The following PTPRD variants were observed in gnomAD, a reference collection of about 807,000 sequenced individuals.
PTPRD encodes the protein protein tyrosine phosphatase receptor type D.
In PTPRD, 34 loss-of-function variants were observed where a neutral mutation model predicts 214.5. The ratio of observed to expected loss-of-function variants is 0.16; its 90% CI spans 0.12 to 0.21. PTPRD has a LOEUF of 0.21. PTPRD is among the 10% of genes least tolerant of loss of function. PTPRD has a pLI of 1.00. For missense variants in PTPRD, 2,545 were observed against 2,398.7 expected, an observed-to-expected ratio of 1.06 and a Z score of -1.27; for synonymous variants, 1,128 against 845.7, an observed-to-expected ratio of 1.33 and a Z score of -5.79.
intron 42 of PTPRD, among the ~76,000 whole-genome samples, chr9:8,339,703 T>C (rs1363085194): frequency 6.6e-6 from 1 of 152,088 alleles, no homozygotes; most frequent in African/African-American, 2.4e-5. Context: ...AGAAAATATC[T>C]GAAGCAAATA....
intron 2 of PTPRD, among the ~76,000 whole-genome samples, chr9:10,571,487 TGA>T (rs1016305012): frequency 1.2e-4 from 18 of 152,292 alleles, no homozygotes; most frequent in Admixed American, 2.6e-4. Flanking sequence ...GCTTTCGGAA[TGA>T]GACAGGCCTT....
At chr9:8,457,055 G>C (rs1273824575) in intron 33 of PTPRD, among the ~76,000 whole-genome samples, 1 of 152,284 alleles carries the variant, frequency 6.6e-6, no homozygotes, top group African/African-American at 2.4e-5. Flanking sequence ...TGAATTTTTT[G>C]TTGGAGTAGA....
intron 5 of PTPRD, among the ~76,000 whole-genome samples, chr9:9,900,641 G>GTGTTTTTTTTTTTTT (rs1555302232): frequency 3.2e-4 from 38 of 120,100 alleles, no homozygotes; most frequent in African/African-American, 1.2e-3. Context: ...ACATTTTCAG[G>GTGTTTTTTTTTTTTT]TTTTTTTTTT....
chr9:8,976,835 A>AC (rs1323090288), intron 11 of PTPRD, among the ~76,000 whole-genome samples: 1 of 152,108 alleles, frequency 6.6e-6, no homozygotes, highest in Non-Finnish European at 1.5e-5. Flanking sequence ...AAAGCAGTAC[A>AC]CTGTACTTGC....
intron 8 of PTPRD, among the ~76,000 whole-genome samples, chr9:9,428,792 C>G (rs2081993950): frequency 6.6e-6 from 1 of 152,112 alleles, no homozygotes; most frequent in Non-Finnish European, 1.5e-5. Context: ...ACAACCTGCT[C>G]CTGAATGACT....
At chr9:9,578,188 T>A (rs1349591933) in intron 7 of PTPRD, among the ~76,000 whole-genome samples, 1 of 152,078 alleles carries the variant, frequency 6.6e-6, no homozygotes, top group Non-Finnish European at 1.5e-5. Flanking sequence ...AATTTTATAA[T>A]TCTGGTATCC....
chr9:10,063,431 G>GA (rs1231411962), intron 3 of PTPRD, among the ~76,000 whole-genome samples: 2 of 152,004 alleles, frequency 1.3e-5, no homozygotes, highest in African/African-American at 2.4e-5. Context: ...AGTATAGTAA[G>GA]AAAAAAAGCG....
intron 9 of PTPRD, among the ~76,000 whole-genome samples, chr9:9,229,198 T>C (rs1391108963): frequency 3.3e-5 from 5 of 152,182 alleles, no homozygotes; most frequent in Non-Finnish European, 5.9e-5. Flanking sequence ...ACATTCAACT[T>C]ACAGGTATTA....
chr9:9,477,668 C>A (rs1446052059), intron 8 of PTPRD, among the ~76,000 whole-genome samples: 1 of 152,116 alleles, frequency 6.6e-6, no homozygotes, highest in Non-Finnish European at 1.5e-5. Flanking sequence ...GGAACTACTA[C>A]TGGACTCTGA....
intron 2 of PTPRD, among the ~76,000 whole-genome samples, chr9:10,471,275 T>A (rs1449032553): frequency 6.6e-6 from 1 of 152,078 alleles, no homozygotes; most frequent in Non-Finnish European, 1.5e-5. Context: ...TGCACATGTA[T>A]CCCGGAACTT....
chr9:8,508,351 A>C (rs552842395), intron 21 of PTPRD, among the ~76,000 whole-genome samples: 129 of 152,360 alleles, frequency 8.5e-4, no homozygotes, highest in African/African-American at 3.0e-3. Flanking sequence ...TAAGCCTATC[A>C]GTTCCCCTCT....
chr9:9,451,564 C>T (rs528711189), intron 8 of PTPRD, among the ~76,000 whole-genome samples: 4 of 151,438 alleles, frequency 2.6e-5, no homozygotes, highest in African/African-American at 7.2e-5. Context: ...CATGTCCCTG[C>T]AGTGAAAAAT....
chr9:10,181,505 T>A (rs2099286405), intron 3 of PTPRD, among the ~76,000 whole-genome samples: 1 of 151,098 alleles, frequency 6.6e-6, no homozygotes, highest in Non-Finnish European at 1.5e-5. Flanking sequence ...CAACACTAAC[T>A]TTTTTTTTAA....
At chr9:10,605,810 G>A (rs2079157625) in intron 2 of PTPRD, among the ~76,000 whole-genome samples, 1 of 151,782 alleles carries the variant, frequency 6.6e-6, no homozygotes, top group Non-Finnish European at 1.5e-5. Context: ...GCACATGGCT[G>A]TTTTACTCAG....
At chr9:10,000,033 A>AAGATT (rs996977797) in intron 4 of PTPRD, among the ~76,000 whole-genome samples, 134 of 152,320 alleles carry the variant, frequency 8.8e-4, no homozygotes, top group African/African-American at 3.2e-3. Context: ...AGGAATTGTC[A>AAGATT]AGATTAATGC....
intron 3 of PTPRD, among the ~76,000 whole-genome samples, chr9:10,238,687 T>G (rs1419671009): frequency 6.6e-6 from 1 of 151,984 alleles, no homozygotes; most frequent in Non-Finnish European, 1.5e-5. Context: ...AAATCCTATC[T>G]AAAAATTGTA....
chr9:10,349,718 T>C (rs4607667), intron 2 of PTPRD, among the ~76,000 whole-genome samples: 36,167 of 152,148 alleles, frequency 0.24, 4,467 homozygotes, highest in African/African-American at 0.3. Context: ...TAAAAACAAA[T>C]TTTAAAAATC....
chr9:8,866,612 GC>G (rs2098200813), intron 11 of PTPRD, among the ~76,000 whole-genome samples: 1 of 152,138 alleles, frequency 6.6e-6, no homozygotes, highest in Admixed American at 6.5e-5. Context: ...ATGGAATGCT[GC>G]CTGAGCCCAT....
chr9:9,061,829 C>A (rs1273321969), intron 10 of PTPRD, among the ~76,000 whole-genome samples: 1 of 152,118 alleles, frequency 6.6e-6, no homozygotes, highest in South Asian at 2.1e-4. Context: ...GCTCTTCTAT[C>A]CTCCTGTAGA....
Sources: allele counts gnomAD v4.1 joint callset (sites outside exome capture counted in the v4.1 genomes callset), GRCh38; gene constraint gnomAD v4.1.1; transcripts MANE v1.5; gene names NCBI Gene and HGNC (gene_info 2026-07-23, HGNC 2026-07-21).